Variants in SCAMP3 observed in about 807,000 individuals in gnomAD.
SCAMP3 encodes the protein secretory carrier-associated membrane protein 3.
Under a neutral mutation model 44.1 loss-of-function variants are expected in SCAMP3, and 30 were observed. The ratio of observed to expected loss-of-function variants is 0.68; its 90% CI spans 0.51 to 0.92. SCAMP3 has a LOEUF of 0.92. Ranked by LOEUF, SCAMP3 falls within the 40% of genes least tolerant of loss-of-function variation. The probability of loss-of-function intolerance (pLI) is 0.00; values close to 1 mark genes in which losing one functional copy is unlikely to be tolerated. For synonymous variants in SCAMP3, 168 were observed against 171.1 expected, an observed-to-expected ratio of 0.98 and a Z score of 0.14; for missense variants, 394 against 440.0, an observed-to-expected ratio of 0.90 and a Z score of 0.93.
intron 7 of SCAMP3, among the ~76,000 whole-genome samples, 174 bp downstream of exon 7, chr1:155,257,111 A>G (rs1238601846): frequency 1.3e-5 from 2 of 152,194 alleles, no homozygotes; most frequent in South Asian, 2.1e-4. Context: ...TTCAATCTAT[A>G]TGTGTCAAGA....
At position 155,256,304 on chromosome 1, in the gene SCAMP3, C is replaced by A; in HGVS notation, c.1013G>T (p.Gly338Val). Residue 338 changes from glycine to valine, a missense_variant, in exon 9 of 9, where the codon GGG becomes GTG. Coordinates refer to ENST00000302631, the MANE Select transcript of SCAMP3 (RefSeq NM_005698.4). ...VRTAAANAAAGAAENAFRAP is the reference protein window; with the variant it reads ...VRTAAANAAAVAAENAFRAP Reference sequence around the variant, plus strand: ...GGCCCGGAAGGCATTTTCAGCAGCCCCAGCGGCTGCATTGGCAGCTGCGGT... The same window carrying A: ...GGCCCGGAAGGCATTTTCAGCAGCCACAGCGGCTGCATTGGCAGCTGCGGT... 6.3e-7 allele frequency: 1 copy of A among 1,594,680 alleles called. No homozygotes were observed. The highest frequency in any genetic ancestry group is 8.6e-7 in the Non-Finnish European group (1 of 1,166,280).
intron 4 of SCAMP3, among the ~76,000 whole-genome samples, 198 bp downstream of exon 4, chr1:155,260,132 G>A (rs368332639): frequency 5.7e-4 from 87 of 152,132 alleles, no homozygotes; most frequent in African/African-American, 2.0e-3. Context: ...TTGTGTGTGT[G>A]TATTTTTAGT....
intron 1 of SCAMP3, 38 bp from the exon 2 acceptor site, chr1:155,261,772 G>A (rs772512815): frequency 3.5e-5 from 55 of 1,591,296 alleles, no homozygotes; most frequent in Non-Finnish European, 4.7e-5. Context: ...GGCACCCAGT[G>A]CCACCTAGGG....
At chr1:155,258,614 G>A (rs1033858019) in intron 5 of SCAMP3, among the ~76,000 whole-genome samples, 4 of 152,020 alleles carry the variant, frequency 2.6e-5, no homozygotes, top group Non-Finnish European at 5.9e-5. Context: ...GGGATTACAG[G>A]CGTATACCAC....
rs1364413009 is a variant in SCAMP3 at position 155,256,167 on chromosome 1, C to G, written c.*106G>C. ...CATGGCCATAGGATTGGGAGCACTACGGAGGAGCCATCAGTTAGTGATGTC... is the reference window on the plus strand; with the variant it reads ...CATGGCCATAGGATTGGGAGCACTAGGGAGGAGCCATCAGTTAGTGATGTC... On this transcript the variant is annotated 3_prime_UTR_variant, in exon 9 of 9. Coordinates refer to ENST00000302631, the MANE Select transcript of SCAMP3 (RefSeq NM_005698.4). 2 of 1,190,608 alleles carry G rather than the reference C, an allele frequency of 1.7e-6. No homozygotes were observed. Among genetic ancestry groups the G allele is most frequent in the Admixed American group, 4.9e-5 (2 of 40,634 alleles). The allele number at this position is 1,190,608 out of a possible 1,614,324, so 73.8% of individuals were successfully genotyped here.
chr1:155,261,037 TC>T (rs2148123185), intron 2 of SCAMP3, among the ~76,000 whole-genome samples: 1 of 152,018 alleles, frequency 6.6e-6, no homozygotes, highest in East Asian at 1.9e-4. Flanking sequence ...AAGCAGTCTT[TC>T]CATCCCAGCC....
intron 4 of SCAMP3, among the ~76,000 whole-genome samples, chr1:155,259,386 T>C (rs1175180108): frequency 6.6e-6 from 1 of 152,028 alleles, no homozygotes; most frequent in Non-Finnish European, 1.5e-5. Context: ...TGTTGGCTGG[T>C]CCTGAACTCC....
Position 155,256,324 on chromosome 1 carries a change from TGCGGTTCGCACCGCAGGGTTGGAGAA to T in SCAMP3, c.967_992del (p.Phe323SerfsTer10). 1 of 1,602,694 alleles carries T rather than the reference TGCGGTTCGCACCGCAGGGTTGGAGAA, an allele frequency of 6.2e-7. No homozygotes were observed. The highest frequency in any genetic ancestry group is 8.5e-7 in the Non-Finnish European group (1 of 1,171,912). On this transcript the variant is annotated frameshift_variant, in exon 9 of 9. Transcript: ENST00000302631. LOFTEE classifies it high-confidence loss of function. ...CAGCCCCAGCGGCTGCATTGGCAGCTGCGGTTCGCACCGCAGGGTTGGAGAAGACACCAGCAGCAAATTCTTGCTGG... is the reference window on the plus strand; with the variant it reads ...CAGCCCCAGCGGCTGCATTGGCAGCTGACACCAGCAGCAAATTCTTGCTGG...
intron 8 of SCAMP3, 127 bp from the exon 9 acceptor site, chr1:155,256,546 C>T (rs1017632481): frequency 7.3e-7 from 1 of 1,363,842 alleles, no homozygotes; most frequent in Non-Finnish European, 1.0e-6. Flanking sequence ...AAACACACAC[C>T]CCAGAGGTCC....
chr1:155,258,176 C>T (rs1483402501), intron 5 of SCAMP3, among the ~76,000 whole-genome samples: 5 of 151,994 alleles, frequency 3.3e-5, no homozygotes, highest in African/African-American at 4.8e-5. Context: ...CCCGCCACCA[C>T]GCCCGGCTAA....
intron 6 of SCAMP3, 29 bp from the exon 7 acceptor site, chr1:155,257,415 G>T: frequency 6.2e-7 from 1 of 1,607,644 alleles, no homozygotes; most frequent in South Asian, 1.1e-5. Flanking sequence ...TGGGGAGGGT[G>T]GGAGAAGAAT....
rs1557927980 is a variant in SCAMP3, at chr1:155,262,147, G to A, written c.5C>T (p.Ala2Val). The A allele has an allele frequency of 1.2e-6, 2 of 1,613,528 alleles. No individual in the cohort carries two copies. The highest frequency in any genetic ancestry group is 1.1e-5 in the South Asian group (1 of 91,084). M[A>V]QSRDGGNPFA... ...CGGGTTTCCGCCGTCTCTGCTCTGA[G>A]CCATGTTTGCAACTGCGGCCTCCGC... The change falls in exon 1 of 9, where the codon GCT (alanine) becomes GTT (valine). Residue 2 changes from alanine (A) to valine (V), a missense_variant. Transcript: ENST00000302631.
At chr1:155,256,859 T>C in intron 7 of SCAMP3, 68 bp from the exon 8 acceptor site, 1 of 1,268,220 alleles carries the variant, frequency 7.9e-7, no homozygotes, top group Non-Finnish European at 1.2e-6. Flanking sequence ...GTCACCAGCA[T>C]CCCCTGTTCC....
intron 7 of SCAMP3, 143 bp from the exon 8 acceptor site, chr1:155,256,934 C>A (rs1672816978): frequency 4.5e-6 from 3 of 661,194 alleles, no homozygotes; most frequent in Non-Finnish European, 5.4e-6. Context: ...CAATCCCAAA[C>A]TGTATCTAAT....
At chr1:155,259,975 T>C (rs11264347) in intron 4 of SCAMP3, among the ~76,000 whole-genome samples, 56,564 of 148,810 alleles carry the variant, frequency 0.38, 12,964 homozygotes, top group East Asian at 0.7. Context: ...TTTTTTGAGA[T>C]GGAGTCTCAC....
rs753056204 is a variant in SCAMP3, at chr1:155,258,878, C to G, written c.465G>C (p.Glu155Asp). ...CAGTCTTCTGAAATTCTTGGGGGATCTCCATGGAGATGTCCTGGAAAAAGC... is the reference window on the plus strand; with the variant it reads ...CAGTCTTCTGAAATTCTTGGGGGATGTCCATGGAGATGTCCTGGAAAAAGC... ...QPCFFQDISM[E>D]IPQEFQKTVS... The change falls in exon 5 of 9, where the codon GAG (glutamate) becomes GAC (aspartate). Residue 155 changes from glutamate (E) to aspartate (D), a missense_variant. By Grantham distance (45) the Glu-to-Asp change is conservative. Transcript: ENST00000302631. 5.0e-6 allele frequency: 8 copies of G among 1,613,074 alleles called. No homozygotes were observed. In the South Asian group the frequency reaches 7.7e-5, roughly 16 times the overall value.
Position 155,260,319 on chromosome 1 carries a change from CTA to C in SCAMP3, c.388+9_388+10del. 1 of 1,609,542 alleles carries C rather than the reference CTA, an allele frequency of 6.2e-7. No homozygotes were observed. The highest frequency in any genetic ancestry group is 2.2e-5 in the East Asian group (1 of 44,880). Reference sequence around the variant, plus strand: ...AAACTCTCAGATGCTCTTCCCCACTCTATTACTTACTAGCTGTGCCCCCCAGG... The same window carrying C: ...AAACTCTCAGATGCTCTTCCCCACTCTTACTTACTAGCTGTGCCCCCCAGG... On this transcript the variant is annotated intron_variant, in intron 4 of 8. Coordinates refer to ENST00000302631, the MANE Select transcript of SCAMP3 (RefSeq NM_005698.4).
At chr1:155,257,135 T>G in intron 7 of SCAMP3, 150 bp downstream of exon 7, 1 of 640,492 alleles carries the variant, frequency 1.6e-6, no homozygotes, top group South Asian at 2.0e-5. Context: ...CTGTCTGCGC[T>G]CTATCCTGGA....
At chr1:155,259,137 CCT>C (rs1672890036) in intron 4 of SCAMP3, among the ~76,000 whole-genome samples, 183 bp from the exon 5 acceptor site, 2 of 147,580 alleles carry the variant, frequency 1.4e-5, no homozygotes, top group Non-Finnish European at 3.0e-5. Flanking sequence ...GCCTCAACCT[CCT>C]GGGCTCAAGC....
Sources: allele counts gnomAD v4.1 joint callset (sites outside exome capture counted in the v4.1 genomes callset), GRCh38; gene constraint gnomAD v4.1.1; transcripts MANE v1.5; gene names NCBI Gene and HGNC (gene_info 2026-07-23, HGNC 2026-07-21).